Variants in MAVS observed in about 807,000 individuals in gnomAD.
The protein encoded by MAVS is mitochondrial antiviral-signaling protein.
Under a neutral mutation model 30.2 loss-of-function variants are expected in MAVS, and 20 were observed. The observed-to-expected ratio is 0.66, with a 90% CI of 0.47 to 0.96. The LOEUF is 0.96. MAVS is among the 40% of genes least tolerant of loss of function. The pLI, the probability that MAVS is intolerant of heterozygous loss-of-function variation, is 0.00. For missense variants in MAVS, 624 were observed against 701.1 expected (o/e 0.89, Z 1.24); for synonymous variants, 278 against 293.9 (o/e 0.95, Z 0.55).
At position 3,853,473 on chromosome 20, in the gene MAVS, A is replaced by G. The variant is rs1339668313; in HGVS notation, c.-67-1085A>G. ...CGCACTCCAGCCTGGGCGACAGAGAAAGACTCCGTCTCAAAAAAAAAAAAA... is the reference window on the plus strand; with the variant it reads ...CGCACTCCAGCCTGGGCGACAGAGAGAGACTCCGTCTCAAAAAAAAAAAAA... On this transcript the variant is annotated intron_variant, in intron 1 of 6. Coordinates refer to ENST00000428216, the MANE Select transcript of MAVS (RefSeq NM_020746.5). Among the ~76,000 whole-genome samples, 31 of 147,220 alleles carry G rather than the reference A, an allele frequency of 2.1e-4. No individual in the cohort carries two copies. In the South Asian group the frequency reaches 2.7e-3, roughly 13 times the overall value.
chr20:3,850,274 C>CAA lies in MAVS; in HGVS notation c.-68+3395_-68+3396dup, dbSNP rs71195864. Among the ~76,000 whole-genome samples, 48 of 44,328 alleles carry CAA rather than the reference C, an allele frequency of 1.1e-3. 1 individual carries two copies. Among genetic ancestry groups the CAA allele is most frequent in the Admixed American group, 1.4e-3 (4 of 2,916 alleles). The allele number at this position is 44,328 out of a possible 152,430, so 29.1% of individuals were successfully genotyped here. ...CCTGGGTGAAGGAGCGAGACTGTCTCAAAAAAAAAAAAAAAAAAAAAAAAA... is the reference window on the plus strand; with the variant it reads ...CCTGGGTGAAGGAGCGAGACTGTCTCAAAAAAAAAAAAAAAAAAAAAAAAAAA... On this transcript the variant is annotated intron_variant, in intron 1 of 6. Coordinates refer to ENST00000428216, the MANE Select transcript of MAVS (RefSeq NM_020746.5).
intron 2 of MAVS, 151 bp downstream of exon 2, chr20:3,854,892 T>TTTTC: frequency 4.4e-5 from 5 of 113,658 alleles, no homozygotes; most frequent in South Asian, 1.6e-4. Flanking sequence ...GCTGCTTTTC[T>TTTTC]TTTTTTTTTT....
At chr20:3,857,584 A>G (rs1391296294) in intron 2 of MAVS, 51 bp from the exon 3 acceptor site, 4 of 1,558,684 alleles carry the variant, frequency 2.6e-6, no homozygotes, top group African/African-American at 2.7e-5. Flanking sequence ...TGGGTGGGGA[A>G]GTGGCAGGGG....
intron 1 of MAVS, among the ~76,000 whole-genome samples, chr20:3,852,080 C>T (rs1336519305): frequency 2.0e-5 from 3 of 148,778 alleles, no homozygotes; most frequent in Admixed American, 1.3e-4. Flanking sequence ...CTGCAAGCTC[C>T]GCCTCCCAGG....
intron 2 of MAVS, 83 bp from the exon 3 acceptor site, chr20:3,857,552 T>C (rs984619534): frequency 1.6e-5 from 23 of 1,460,022 alleles, no homozygotes; most frequent in Non-Finnish European, 1.9e-5. Flanking sequence ...TTGGCACCCC[T>C]CCCCCCGCTG....
chr20:3,865,778 G>A lies in MAVS; in HGVS notation c.1254G>A (p.Leu418=). ...SSENRGLGSE[L]SKPGVLASQV... ...AGAATAGGGGCCTTGGGTCGGAGCT[G>A]AGTAAGCCTGGCGTGCTGGCATCCC... Residue 418 remains leucine (L), a synonymous_variant, in exon 7 of 7, where the codon CTG becomes CTA. Coordinates refer to ENST00000428216, the MANE Select transcript of MAVS (RefSeq NM_020746.5). This position sits in a 1 kb window ranked among gnomAD's most constrained non-coding sequence, Gnocchi z 4.7. 5 of 1,613,798 alleles carry A rather than the reference G, an allele frequency of 3.1e-6. No individual in the cohort carries two copies. The highest frequency in any genetic ancestry group is 4.2e-6 in the Non-Finnish European group (5 of 1,180,008).
chr20:3,860,185 T>C (rs919886763), intron 3 of MAVS, among the ~76,000 whole-genome samples: 3 of 151,070 alleles, frequency 2.0e-5, no homozygotes, highest in Non-Finnish European at 3.0e-5. Flanking sequence ...GGGCGGGGGG[T>C]GTACCCAAGA....
intron 1 of MAVS, among the ~76,000 whole-genome samples, chr20:3,850,907 T>G (rs2089754813): frequency 6.7e-6 from 1 of 149,188 alleles, no homozygotes; most frequent in South Asian, 2.1e-4. Flanking sequence ...AAAAAAAAAT[T>G]TAAGCTTAGA....
chr20:3,850,158 T>A (rs994522752), intron 1 of MAVS, among the ~76,000 whole-genome samples: 2 of 148,972 alleles, frequency 1.3e-5, no homozygotes, highest in African/African-American at 5.0e-5. Flanking sequence ...GCGCCTGTAG[T>A]CCCAGCTACT....
Position 3,867,348 on chromosome 20 carries a change from A to ACTG in MAVS, c.*1201_*1202insCTG. The stretch of plus-strand genomic sequence containing the variant: ...TGTAGGTCTTAGGATGAGTCCTGGC[A>ACTG]TTTACCAAGGGTTGGATATATGTTA... On this transcript the variant is annotated 3_prime_UTR_variant, in exon 7 of 7. Transcript: ENST00000428216. 1 of 296,060 alleles carries ACTG rather than the reference A, an allele frequency of 3.4e-6. No homozygotes were observed. The highest frequency in any genetic ancestry group is 3.1e-5 in the South Asian group (1 of 31,794). 18.3% of individuals were successfully genotyped at this position (296,060 alleles called of 1,614,324 possible).
chr20:3,859,311 G>A (rs574506555), intron 3 of MAVS, among the ~76,000 whole-genome samples: 1 of 151,990 alleles, frequency 6.6e-6, no homozygotes, highest in East Asian at 1.9e-4. Context: ...TTCGAGACCA[G>A]CCTGGCCAAT....
intron 1 of MAVS, among the ~76,000 whole-genome samples, chr20:3,851,780 A>C (rs1203490670): frequency 6.6e-6 from 1 of 151,646 alleles, no homozygotes; most frequent in Non-Finnish European, 1.5e-5. Flanking sequence ...ACATGGAGAA[A>C]CCCTGTCTCT....
intron 1 of MAVS, among the ~76,000 whole-genome samples, chr20:3,850,730 C>A (rs1346817385): frequency 2.7e-5 from 4 of 149,288 alleles, no homozygotes; most frequent in African/African-American, 9.9e-5. Flanking sequence ...ACTAAAAATA[C>A]AAAAAATTAG....
chr20:3,861,637 T>G, intron 4 of MAVS, 133 bp downstream of exon 4: 2 of 984,592 alleles, frequency 2.0e-6, no homozygotes, highest in South Asian at 1.8e-5. Flanking sequence ...ACCCTAGGGC[T>G]TCCTCAGTGG....
chr20:3,861,032 G>A (rs1213646932), intron 3 of MAVS, among the ~76,000 whole-genome samples: 2 of 140,378 alleles, frequency 1.4e-5, no homozygotes, highest in African/African-American at 5.4e-5. Flanking sequence ...TCGCTCTGTC[G>A]CCCAGGCTGG....
Position 3,866,633 on chromosome 20 carries a change from T to C in MAVS, c.*486T>C. ...GGCAGCCCAGCCTGAGACCGTTGCA[T>C]TGAGGCAGGCAGGAGCGGCAGGGTG... On this transcript the variant is annotated 3_prime_UTR_variant, in exon 7 of 7. Transcript: ENST00000428216. The C allele has an allele frequency of 2.8e-6, 1 of 355,088 alleles. No homozygotes were observed. Among genetic ancestry groups the C allele is most frequent in the Non-Finnish European group, 5.5e-6 (1 of 180,342 alleles). 22.0% of individuals were successfully genotyped at this position (355,088 alleles called of 1,614,324 possible). A position where few individuals can be genotyped will look rare whatever the true frequency, so the allele number is the denominator to read the frequency against.
chr20:3,851,156 C>T (rs916628923), intron 1 of MAVS, among the ~76,000 whole-genome samples: 2 of 151,698 alleles, frequency 1.3e-5, no homozygotes, highest in Admixed American at 6.6e-5. Flanking sequence ...TATAAAACCC[C>T]GTCTCTACTA....
intron 1 of MAVS, among the ~76,000 whole-genome samples, chr20:3,853,350 G>C (rs1205374945): frequency 2.0e-5 from 3 of 151,412 alleles, no homozygotes; most frequent in Non-Finnish European, 1.5e-5. Flanking sequence ...GCCGGGCGTG[G>C]TGGCGGGCGC....
chr20:3,872,307 A>G lies in MAVS; in HGVS notation c.*6160A>G, dbSNP rs888305005. ...TTAAAAATTAGCTGGGTGTGGTGGT[A>G]TGTGCCTCAAGTTCCAGCTACTCAG... On this transcript the variant is annotated 3_prime_UTR_variant, in exon 7 of 7. Transcript: ENST00000428216. 2 of 152,460 alleles carry G rather than the reference A, an allele frequency of 1.3e-5. No individual in the cohort carries two copies. The highest frequency in any genetic ancestry group is 2.9e-5 in the Non-Finnish European group (2 of 68,168). 9.4% of individuals were successfully genotyped at this position (152,460 alleles called of 1,614,324 possible).
Sources: allele counts gnomAD v4.1 joint callset (sites outside exome capture counted in the v4.1 genomes callset), GRCh38; gene constraint gnomAD v4.1.1; non-coding constraint Gnocchi (gnomAD v3.1); transcripts MANE v1.5; gene names NCBI Gene and HGNC (gene_info 2026-07-23, HGNC 2026-07-21).